Variants in UMAD1 observed in about 807,000 individuals in gnomAD.
UMAD1 encodes UBAP1-MVB12-associated (UMA) domain containing 1.
A neutral mutation model predicts 6.1 loss-of-function variants in UMAD1; 8 were observed. The ratio of observed to expected loss-of-function variants is 1.30; its 90% CI spans 0.76 to 2.35. The LOEUF (loss-of-function observed/expected upper bound fraction) is 2.35. Ranked by LOEUF, UMAD1 falls within the 30% of genes most tolerant of loss-of-function variation. The probability of loss-of-function intolerance (pLI) is 0.00; values close to 1 mark genes in which losing one functional copy is unlikely to be tolerated. For missense variants in UMAD1, 130 were observed against 78.4 expected (o/e 1.66, Z -2.49); for synonymous variants, 56 against 31.4 (o/e 1.78, Z -2.61).
intron 3 of UMAD1, among the ~76,000 whole-genome samples, chr7:7,805,482 C>G (rs1428964879): frequency 6.6e-6 from 1 of 152,186 alleles, no homozygotes; most frequent in Non-Finnish European, 1.5e-5. Flanking sequence ...TTAGAACAGT[C>G]TAAGCCACCC....
intron 1 of UMAD1, among the ~76,000 whole-genome samples, chr7:7,657,328 T>C (rs1191672708): frequency 2.0e-5 from 3 of 152,240 alleles, no homozygotes; most frequent in African/African-American, 7.2e-5. Flanking sequence ...TAGATCCCAT[T>C]TGTCAATTTT....
intron 1 of UMAD1, among the ~76,000 whole-genome samples, chr7:7,656,168 A>G (rs1416470598): frequency 2.0e-5 from 3 of 152,112 alleles, no homozygotes; most frequent in African/African-American, 4.8e-5. Flanking sequence ...GGTTACCGCC[A>G]CTACTTTTAT....
intron 2 of UMAD1, among the ~76,000 whole-genome samples, chr7:7,784,531 G>C (rs1206786127): frequency 6.8e-6 from 1 of 148,028 alleles, no homozygotes; most frequent in Non-Finnish European, 1.5e-5. Context: ...TTTTTAAGTA[G>C]AGATGAGGTT....
At chr7:7,675,769 G>A (rs151300512) in intron 2 of UMAD1, among the ~76,000 whole-genome samples, 14 of 152,244 alleles carry the variant, frequency 9.2e-5, no homozygotes, top group East Asian at 1.9e-4. Context: ...CACTTCCGTC[G>A]TAGTTCCAGG....
intron 1 of UMAD1, among the ~76,000 whole-genome samples, chr7:7,648,695 A>G (rs570580081): frequency 6.6e-6 from 1 of 152,064 alleles, no homozygotes; most frequent in East Asian, 1.9e-4. Context: ...TACAAAAAAT[A>G]CAAAAATTAG....
chr7:7,832,930 G>C (rs1195728889), intron 3 of UMAD1, among the ~76,000 whole-genome samples: 1 of 150,772 alleles, frequency 6.6e-6, no homozygotes, highest in Admixed American at 6.6e-5. Context: ...TCATAGACAG[G>C]GGGGAACGTT....
intron 1 of UMAD1, among the ~76,000 whole-genome samples, chr7:7,652,502 G>A (rs552049903): frequency 2.0e-4 from 31 of 152,338 alleles, no homozygotes; most frequent in African/African-American, 6.7e-4. Flanking sequence ...TAGAATGTGA[G>A]TAACATTTTG....
chr7:7,696,172 A>T (rs1583747114), intron 2 of UMAD1, among the ~76,000 whole-genome samples: 3 of 151,602 alleles, frequency 2.0e-5, no homozygotes, highest in African/African-American at 7.3e-5. Context: ...TGCCCAGCTA[A>T]TTTTTTTATT....
At chr7:7,652,682 C>G (rs2115551671) in intron 1 of UMAD1, among the ~76,000 whole-genome samples, 1 of 152,328 alleles carries the variant, frequency 6.6e-6, no homozygotes, top group South Asian at 2.1e-4. Flanking sequence ...TGTCTAGGGC[C>G]TACCACAGTG....
intron 3 of UMAD1, among the ~76,000 whole-genome samples, chr7:7,854,631 G>C (rs1452438937): frequency 6.6e-6 from 1 of 152,008 alleles, no homozygotes; most frequent in Non-Finnish European, 1.5e-5. Context: ...ATGTTATGGG[G>C]GTTACAATTC....
chr7:7,680,728 T>TA (rs1583728759), intron 2 of UMAD1, among the ~76,000 whole-genome samples: 1 of 152,250 alleles, frequency 6.6e-6, no homozygotes, highest in East Asian at 1.9e-4. Flanking sequence ...CTTTCATCAG[T>TA]ATTTTATAAT....
At chr7:7,802,351 C>T (rs1435807265) in intron 3 of UMAD1, among the ~76,000 whole-genome samples, 1 of 150,828 alleles carries the variant, frequency 6.6e-6, no homozygotes, top group Non-Finnish European at 1.5e-5. Context: ...GCGCTCCTGC[C>T]TGGCGACAGA....
intron 3 of UMAD1, among the ~76,000 whole-genome samples, chr7:7,833,848 C>G (rs559606333): frequency 1.4e-4 from 22 of 152,126 alleles, no homozygotes; most frequent in African/African-American, 5.3e-4. Flanking sequence ...AATGAAGATG[C>G]CAGAGAGGAA....
chr7:7,848,187 A>G (rs1199592540), intron 3 of UMAD1, among the ~76,000 whole-genome samples: 1 of 152,062 alleles, frequency 6.6e-6, no homozygotes, highest in Non-Finnish European at 1.5e-5. Flanking sequence ...TCTCTGTTTC[A>G]TTTTTCCCTC....
Position 7,877,373 on chromosome 7 carries a change from C to T in UMAD1, c.249C>T (p.Ala83=), listed in dbSNP as rs773561185. The change falls in exon 4 of 4, where the codon GCC becomes GCT. Residue 83 remains alanine, a synonymous_variant. Transcript: ENST00000682710. ...CTCTGGAGAACAGCTCATTAATGGC[C>T]GAGCTCCTGAGCGATGTGCCGTTCA... The part of the protein sequence containing the change: ...GQTLENSSLM[A]ELLSDVPFTL... 2.0e-4 allele frequency: 140 copies of T among 717,510 alleles called. 3 individuals are homozygous for T. Among genetic ancestry groups the T allele is most frequent in the South Asian group, 1.9e-3 (131 of 67,606 alleles). The allele number at this position is 717,510 out of a possible 1,614,324, so 44.4% of individuals were successfully genotyped here. A position where few individuals can be genotyped will look rare whatever the true frequency, so the allele number is the denominator to read the frequency against.
intron 2 of UMAD1, among the ~76,000 whole-genome samples, chr7:7,788,459 GCTT>G (rs1456588631): frequency 6.6e-6 from 1 of 152,098 alleles, no homozygotes; most frequent in Admixed American, 6.6e-5. Flanking sequence ...GTCACCCAGT[GCTT>G]CTTCTTTCTT....
chr7:7,709,740 C>G (rs1422622052), intron 2 of UMAD1, among the ~76,000 whole-genome samples: 1 of 151,674 alleles, frequency 6.6e-6, no homozygotes, highest in South Asian at 2.1e-4. Flanking sequence ...ATTCTTAGCT[C>G]TTGCTTATGC....
At chr7:7,848,991 T>C in intron 3 of UMAD1, among the ~76,000 whole-genome samples, 1 of 152,188 alleles carries the variant, frequency 6.6e-6, no homozygotes, top group African/African-American at 2.4e-5. Flanking sequence ...TTCGATTTTA[T>C]ATTACGTGCA....
At chr7:7,850,164 A>C (rs937926638) in intron 3 of UMAD1, among the ~76,000 whole-genome samples, 1 of 152,170 alleles carries the variant, frequency 6.6e-6, no homozygotes, top group African/African-American at 2.4e-5. Flanking sequence ...TTTAAAAACT[A>C]TCTATCCCCA....
Sources: gnomAD v4.1 joint callset for allele counts (sites outside exome capture counted in the v4.1 genomes callset) on GRCh38, gnomAD v4.1.1 for gene constraint, MANE v1.5 for transcripts, NCBI Gene and HGNC (gene_info 2026-07-23, HGNC 2026-07-21) for gene names.